Variants in PIK3AP1 observed in about 807,000 individuals in gnomAD.
PIK3AP1 encodes phosphoinositide-3-kinase adaptor protein 1.
A neutral mutation model predicts 88.1 loss-of-function variants in PIK3AP1; 21 were observed. The ratio of observed to expected loss-of-function variants is 0.24; its 90% CI spans 0.17 to 0.34. The LOEUF is 0.34. Ranked by LOEUF, PIK3AP1 falls within the 10% of genes least tolerant of loss-of-function variation. The pLI is 1.00. For missense variants in PIK3AP1, 828 were observed against 1,035.7 expected (o/e 0.80, Z 2.75); for synonymous variants, 398 against 400.0 (o/e 1.00, Z 0.06).
intron 8 of PIK3AP1, among the ~76,000 whole-genome samples, chr10:96,645,130 C>T (rs994288439): frequency 2.6e-5 from 4 of 151,982 alleles, no homozygotes; most frequent in Admixed American, 6.6e-5. Flanking sequence ...ATACATAAAC[C>T]TCATGTCAGA....
chr10:96,600,892 A>G (rs938345870), intron 16 of PIK3AP1, among the ~76,000 whole-genome samples: 5 of 152,210 alleles, frequency 3.3e-5, no homozygotes, highest in African/African-American at 1.2e-4. Context: ...TCCTTTCTGC[A>G]TCTGTGGACA....
intron 14 of PIK3AP1, among the ~76,000 whole-genome samples, chr10:96,604,970 C>T (rs1019536352): frequency 2.0e-5 from 3 of 152,194 alleles, no homozygotes; most frequent in African/African-American, 7.2e-5. Flanking sequence ...ATGGATTCTC[C>T]TGCCTCAGCC....
At chr10:96,632,912 C>T in intron 8 of PIK3AP1, 3 of 1,612,712 alleles carry the variant, frequency 1.9e-6, no homozygotes, top group East Asian at 2.2e-5. Flanking sequence ...ACATGCTTGG[C>T]ACCAGTCCAC....
intron 8 of PIK3AP1, among the ~76,000 whole-genome samples, chr10:96,641,086 CGTGTGTGTGTGTGTGT>C (rs56816682): frequency 3.5e-5 from 5 of 143,342 alleles, no homozygotes; most frequent in East Asian, 2.1e-4. Flanking sequence ...GTGAGTGTGC[CGTGTGTGTGTGTGTGT>C]GTGTGTGTGT....
At chr10:96,598,305 C>A (rs1247810922) in intron 16 of PIK3AP1, among the ~76,000 whole-genome samples, 2 of 152,088 alleles carry the variant, frequency 1.3e-5, no homozygotes, top group African/African-American at 4.8e-5. Flanking sequence ...TCCCTCCCTG[C>A]CTCAGCCTCC....
intron 7 of PIK3AP1, among the ~76,000 whole-genome samples, chr10:96,648,452 A>G (rs1843490667): frequency 6.6e-6 from 1 of 152,256 alleles, no homozygotes; most frequent in Non-Finnish European, 1.5e-5. Flanking sequence ...CCAACGTCAC[A>G]AGGCTAACAA....
chr10:96,603,770 G>A (rs563295065), intron 15 of PIK3AP1: 3 of 507,024 alleles, frequency 5.9e-6, no homozygotes, highest in East Asian at 3.6e-5. Flanking sequence ...TCCCCATTAA[G>A]CAGTTTCTTC....
intron 2 of PIK3AP1, among the ~76,000 whole-genome samples, chr10:96,684,428 G>T (rs1246769805): frequency 6.6e-6 from 1 of 152,228 alleles, no homozygotes; most frequent in Non-Finnish European, 1.5e-5. Context: ...GGCTTGTGCT[G>T]AGGCCAAGGC....
At chr10:96,618,639 T>C (rs1221588193) in intron 12 of PIK3AP1, 1 of 152,408 alleles carries the variant, frequency 6.6e-6, no homozygotes, top group Non-Finnish European at 1.5e-5. Context: ...TTATTATGTA[T>C]TTACTACGTA....
intron 2 of PIK3AP1, among the ~76,000 whole-genome samples, chr10:96,697,950 T>C (rs1162192188): frequency 6.6e-6 from 1 of 152,264 alleles, no homozygotes; most frequent in Non-Finnish European, 1.5e-5. Context: ...TTCTTCTGTA[T>C]CTTAGTTTTT....
At chr10:96,708,574 CAAAAAAAAAAA>C (rs924470384) in intron 2 of PIK3AP1, among the ~76,000 whole-genome samples, 3 of 12,832 alleles carry the variant, frequency 2.3e-4, no homozygotes, top group African/African-American at 4.3e-4. Context: ...GGATCTGTCT[CAAAAAAAAAAA>C]AAAAAAAAAA....
rs376586778 is a variant in PIK3AP1 at position 96,652,304 on chromosome 10, G to A, written c.712+394C>T. Reference sequence around the variant, plus strand: ...ACAAATATCAAAGTAGCTGGGTGCCGTGGCTCACGCCTGTAATCCAGCATT... The same window carrying A: ...ACAAATATCAAAGTAGCTGGGTGCCATGGCTCACGCCTGTAATCCAGCATT... On this transcript the variant is annotated intron_variant, in intron 4 of 16. Coordinates refer to ENST00000339364, the MANE Select transcript of PIK3AP1 (RefSeq NM_152309.3). 3.9e-5 allele frequency among the ~76,000 whole-genome samples: 6 copies of A among 152,334 alleles called. No individual in the cohort carries two copies. The South Asian group carries it at 6.2e-4, about 16-fold the overall frequency.
chr10:96,700,233 G>A (rs769405849), intron 2 of PIK3AP1, among the ~76,000 whole-genome samples: 24 of 152,192 alleles, frequency 1.6e-4, no homozygotes, highest in Admixed American at 9.8e-4. Context: ...CTGGGTGGCC[G>A]CCGAAGCGGC....
At chr10:96,612,350 G>T (rs563528202) in intron 13 of PIK3AP1, among the ~76,000 whole-genome samples, 2 of 152,234 alleles carry the variant, frequency 1.3e-5, no homozygotes, top group Admixed American at 1.3e-4. Context: ...AGAAAAATGG[G>T]CAAGTTATTA....
intron 16 of PIK3AP1, among the ~76,000 whole-genome samples, chr10:96,596,103 C>A (rs1259456816): frequency 6.6e-6 from 1 of 152,180 alleles, no homozygotes; most frequent in Non-Finnish European, 1.5e-5. Context: ...TGCAAACCAA[C>A]CAGTCCAGAT....
At chr10:96,615,702 G>C (rs1484401677) in intron 13 of PIK3AP1, among the ~76,000 whole-genome samples, 1 of 152,150 alleles carries the variant, frequency 6.6e-6, no homozygotes, top group Admixed American at 6.5e-5. Flanking sequence ...TGCCAGGGCT[G>C]GGTCTTGCAG....
In PIK3AP1 at chr10:96,720,480, G is replaced by A. The variant is rs2134301744; in HGVS notation, c.-86C>T. 8.6e-7 allele frequency: 1 copy of A among 1,164,662 alleles called. No homozygotes were observed. The highest frequency in any genetic ancestry group is 1.6e-5 in the African/African-American group (1 of 62,364). 72.1% of individuals were successfully genotyped at this position (1,164,662 alleles called of 1,614,324 possible). ...GCGGCGTCCTGGCTCGGGCTGGAGG[G>A]GCGCCGGGCTCCGCGCGGGACCGGC... On this transcript the variant is annotated 5_prime_UTR_variant, in exon 1 of 17. Transcript: ENST00000339364. The surrounding 1 kb of genome is among the most constrained non-coding windows in gnomAD (Gnocchi z 4.6).
chr10:96,680,735 G>C (rs1160033474), intron 2 of PIK3AP1, among the ~76,000 whole-genome samples: 2 of 152,150 alleles, frequency 1.3e-5, no homozygotes, highest in Admixed American at 1.3e-4. Flanking sequence ...TTGAGTCTAC[G>C]TCTTTGGTAT....
intron 6 of PIK3AP1, among the ~76,000 whole-genome samples, chr10:96,649,977 T>C (rs1843514821): frequency 6.6e-6 from 1 of 152,202 alleles, no homozygotes; most frequent in South Asian, 2.1e-4. Context: ...GCCCAACAAC[T>C]TTATAGACAT....
Sources: gnomAD v4.1 joint callset for allele counts (sites outside exome capture counted in the v4.1 genomes callset) on GRCh38, gnomAD v4.1.1 for gene constraint, Gnocchi (gnomAD v3.1) non-coding constraint, MANE v1.5 for transcripts, NCBI Gene and HGNC (gene_info 2026-07-23, HGNC 2026-07-21) for gene names.